KIFAP3: variants seen among roughly 807,000 people sequenced by gnomAD.
KIFAP3 encodes kinesin associated protein 3, also known as kinesin-associated protein 3.
A neutral mutation model predicts 106.5 loss-of-function variants in KIFAP3; 68 were observed. The observed-to-expected ratio is 0.64, with a 90% CI of 0.53 to 0.78. KIFAP3 has a LOEUF of 0.78. Among genes scored for constraint, KIFAP3 ranks in the 30% least tolerant of loss-of-function variants. The pLI is 0.00. For missense variants in KIFAP3, 780 were observed against 941.8 expected (o/e 0.83, Z 2.25); for synonymous variants, 320 against 311.5 (o/e 1.03, Z -0.29).
In KIFAP3 at chr1:169,983,384, T is replaced by C; in HGVS notation, c.1394-2A>G. 6 of 1,591,270 alleles carry C rather than the reference T, an allele frequency of 3.8e-6. No homozygotes were observed. The highest frequency in any genetic ancestry group is 4.3e-6 in the Non-Finnish European group (5 of 1,165,174). On this transcript the variant is annotated splice_acceptor_variant, in intron 12 of 19. Transcript: ENST00000361580. LOFTEE classifies it high-confidence loss of function. ...TCATGAGCATCTTCAGCCCATTTCC[T>C]GAAACAGAAAAGTCCCCCAATAAAA... is the stretch of plus-strand genomic sequence containing the variant.
At chr1:170,038,703 CTACAG>C (rs1669815900) in intron 4 of KIFAP3, among the ~76,000 whole-genome samples, 1 of 152,140 alleles carries the variant, frequency 6.6e-6, no homozygotes, top group African/African-American at 2.4e-5. Flanking sequence ...TTTGTATCTA[CTACAG>C]TAGATTAAAC....
At chr1:170,076,453 T>C (rs185439049), upstream of KIFAP3, among the ~76,000 whole-genome samples, 48 of 152,194 alleles carry the variant, frequency 3.2e-4, no homozygotes, top group Middle Eastern at 3.4e-3. Flanking sequence ...TTTGAGGCAA[T>C]TTGGGAATCA....
intron 1 of KIFAP3, among the ~76,000 whole-genome samples, chr1:170,057,592 A>AC (rs1670915478): frequency 8.7e-6 from 1 of 115,340 alleles, no homozygotes; most frequent in African/African-American, 3.4e-5. Context: ...TGACAGCTAT[A>AC]GTTTTTTTTT....
chr1:170,026,957 A>G (rs1010670651), intron 8 of KIFAP3, among the ~76,000 whole-genome samples: 1 of 151,640 alleles, frequency 6.6e-6, no homozygotes. Context: ...AAACTCAAAG[A>G]TATTTTTAGG....
intron 17 of KIFAP3, among the ~76,000 whole-genome samples, chr1:169,969,137 T>C (rs1665778332): frequency 6.6e-6 from 1 of 151,976 alleles, no homozygotes; most frequent in African/African-American, 2.4e-5. Flanking sequence ...TTTAGAAATT[T>C]CTGCCAACAA....
At chr1:169,937,851 A>G (rs657254) in intron 19 of KIFAP3, among the ~76,000 whole-genome samples, 142,051 of 151,890 alleles carry the variant, frequency 0.94, 66,516 homozygotes, top group East Asian at 0.99. Flanking sequence ...AAAATTTACA[A>G]CAAATCAGCA....
chr1:169,956,607 G>A (rs1411281626), intron 18 of KIFAP3, among the ~76,000 whole-genome samples: 1 of 130,068 alleles, frequency 7.7e-6, no homozygotes, highest in African/African-American at 2.7e-5. Context: ...TACCACTGAA[G>A]TTCTTTTTTT....
At chr1:170,059,021 C>T (rs552983808) in intron 1 of KIFAP3, among the ~76,000 whole-genome samples, 1 of 152,062 alleles carries the variant, frequency 6.6e-6, no homozygotes, top group Non-Finnish European at 1.5e-5. Context: ...TTTAAAGCAG[C>T]ATGTAGAGGG....
At chr1:169,930,439 C>A (rs532606319) in intron 19 of KIFAP3, among the ~76,000 whole-genome samples, 1 of 152,142 alleles carries the variant, frequency 6.6e-6, no homozygotes, top group Non-Finnish European at 1.5e-5. Context: ...AGATGGCTGT[C>A]CTAAAACAAT....
chr1:169,988,658 T>C (rs1418986370), intron 11 of KIFAP3, among the ~76,000 whole-genome samples: 1 of 152,002 alleles, frequency 6.6e-6, no homozygotes, highest in Non-Finnish European at 1.5e-5. Flanking sequence ...ACCTTTTTAA[T>C]TCCTGAAGGA....
intron 15 of KIFAP3, among the ~76,000 whole-genome samples, chr1:169,979,048 T>C (rs3790407): frequency 6.6e-6 from 1 of 152,138 alleles, no homozygotes; most frequent in East Asian, 1.9e-4. Flanking sequence ...AAAAAGAGTA[T>C]TATAAAGCCT....
At chr1:170,014,373 A>T (rs1010749555) in intron 10 of KIFAP3, among the ~76,000 whole-genome samples, 2 of 152,254 alleles carry the variant, frequency 1.3e-5, no homozygotes, top group African/African-American at 4.8e-5. Flanking sequence ...GCTCAAGTTG[A>T]AATGGCAACT....
At chr1:169,929,803 G>GT (rs1443111147) in intron 19 of KIFAP3, among the ~76,000 whole-genome samples, 1 of 152,006 alleles carries the variant, frequency 6.6e-6, no homozygotes, top group Non-Finnish European at 1.5e-5. Flanking sequence ...GTGGGAGGCT[G>GT]TATTTAAAAT....
chr1:170,046,247 A>G (rs1670248650), intron 3 of KIFAP3, among the ~76,000 whole-genome samples: 1 of 150,560 alleles, frequency 6.6e-6, no homozygotes, highest in South Asian at 2.1e-4. Flanking sequence ...GAGAAAATAA[A>G]GATTCATGAA....
At chr1:170,065,128 C>T (rs908265317) in intron 1 of KIFAP3, among the ~76,000 whole-genome samples, 15 of 152,098 alleles carry the variant, frequency 9.9e-5, no homozygotes, top group Non-Finnish European at 2.2e-4. Context: ...GTATGAAATA[C>T]TCCTCTGTAG....
chr1:169,952,670 C>T (rs892948761), intron 19 of KIFAP3, among the ~76,000 whole-genome samples: 2 of 152,030 alleles, frequency 1.3e-5, no homozygotes, highest in African/African-American at 4.8e-5. Context: ...CAAATTGTTG[C>T]TCCATCATCC....
chr1:170,064,269 T>C (rs1416083322), intron 1 of KIFAP3, among the ~76,000 whole-genome samples: 1 of 152,222 alleles, frequency 6.6e-6, no homozygotes, highest in Non-Finnish European at 1.5e-5. Context: ...TTAGGACTCC[T>C]GGTGAAATGT....
At chr1:170,060,221 T>C (rs1671067658) in intron 1 of KIFAP3, among the ~76,000 whole-genome samples, 1 of 152,162 alleles carries the variant, frequency 6.6e-6, no homozygotes, top group African/African-American at 2.4e-5. Flanking sequence ...GGAAGTCAAA[T>C]TGTCCCTGTT....
intron 10 of KIFAP3, among the ~76,000 whole-genome samples, chr1:169,996,203 T>C (rs1667367255): frequency 6.6e-6 from 1 of 152,150 alleles, no homozygotes; most frequent in African/African-American, 2.4e-5. Context: ...AAGGTGAAAG[T>C]TCCTTGCAGT....
Sources: allele counts gnomAD v4.1 joint callset (sites outside exome capture counted in the v4.1 genomes callset), GRCh38; gene constraint gnomAD v4.1.1; transcripts MANE v1.5; gene names NCBI Gene and HGNC (gene_info 2026-07-23, HGNC 2026-07-21).